C12orf42: variants seen among roughly 807,000 people sequenced by gnomAD.
C12orf42 encodes the protein uncharacterized protein C12orf42.
Under a neutral mutation model 21.6 loss-of-function variants are expected in C12orf42, and 25 were observed. The ratio of observed to expected loss-of-function variants is 1.16; its 90% CI spans 0.84 to 1.62. The LOEUF (loss-of-function observed/expected upper bound fraction) is 1.62, where lower values mean the gene tolerates loss of function less well. Among genes scored for constraint, C12orf42 ranks in the 40% most tolerant of loss-of-function variants. C12orf42 has a pLI of 0.00. For synonymous variants in C12orf42, 174 were observed against 175.0 expected (o/e 0.99, Z 0.05); for missense variants, 483 against 459.3 (o/e 1.05, Z -0.47).
the C12orf42 span, among the ~76,000 whole-genome samples, chr12:103,138,287 G>A: frequency 1.3e-5 from 2 of 152,182 alleles, no homozygotes; most frequent in Non-Finnish European, 2.9e-5. Flanking sequence ...AGACAGGGGA[G>A]GGGACTGGTG....
chr12:103,273,728 A>T (rs1486682768), intron 5 of C12orf42: 1 of 410,058 alleles, frequency 2.4e-6, no homozygotes, highest in East Asian at 7.2e-5. Flanking sequence ...AATTAGGGAA[A>T]AGAAGAAGGA....
chr12:103,239,417 T>C (rs559273385), intron 10 of C12orf42, among the ~76,000 whole-genome samples: 3 of 152,262 alleles, frequency 2.0e-5, no homozygotes, highest in East Asian at 3.9e-4. Flanking sequence ...CAGGATGTCT[T>C]TCCCTTTCTG....
chr12:103,164,637 T>C, the C12orf42 span: 1 of 436,034 alleles, frequency 2.3e-6, no homozygotes, highest in Admixed American at 2.5e-5. Context: ...ACTAATATTT[T>C]TAAGTTTGCA....
intron 2 of C12orf42, among the ~76,000 whole-genome samples, chr12:103,462,611 T>C (rs2137701844): frequency 6.6e-6 from 1 of 152,296 alleles, no homozygotes; most frequent in Non-Finnish European, 1.5e-5. Context: ...AAGTAAGCTT[T>C]TTAGGTAAAA....
the C12orf42 span, among the ~76,000 whole-genome samples, chr12:103,142,834 T>A: frequency 6.6e-6 from 1 of 152,194 alleles, no homozygotes; most frequent in Non-Finnish European, 1.5e-5. Flanking sequence ...TAACTAACAG[T>A]AAAAATATAA....
At chr12:103,455,832 A>G (rs1952252058) in intron 2 of C12orf42, among the ~76,000 whole-genome samples, 1 of 152,116 alleles carries the variant, frequency 6.6e-6, no homozygotes, top group Non-Finnish European at 1.5e-5. Context: ...CACTTATACA[A>G]TATTCCTTTT....
At chr12:103,111,542 T>C in the C12orf42 span, among the ~76,000 whole-genome samples, 6 of 152,222 alleles carry the variant, frequency 3.9e-5, no homozygotes, top group Admixed American at 2.0e-4. Flanking sequence ...AAACGTGGTC[T>C]CTTAAGGAAA....
chr12:103,549,985 T>C, the C12orf42 span, among the ~76,000 whole-genome samples: 2 of 152,168 alleles, frequency 1.3e-5, no homozygotes, highest in Admixed American at 1.3e-4. Context: ...TCAAAAATGG[T>C]AAAGTTCCCT....
chr12:103,223,442 T>C, the C12orf42 span, among the ~76,000 whole-genome samples: 1 of 152,118 alleles, frequency 6.6e-6, no homozygotes, highest in South Asian at 2.1e-4. Context: ...GTATAAAAGG[T>C]CCAAGAATTG....
At chr12:103,152,893 C>G in the C12orf42 span, among the ~76,000 whole-genome samples, 1 of 152,108 alleles carries the variant, frequency 6.6e-6, no homozygotes, top group East Asian at 1.9e-4. Flanking sequence ...TGAATTGGCT[C>G]AATATTGGAA....
At chr12:103,082,028 C>T in the C12orf42 span, among the ~76,000 whole-genome samples, 1 of 152,130 alleles carries the variant, frequency 6.6e-6, no homozygotes, top group African/African-American at 2.4e-5. Flanking sequence ...TAATTTTCTT[C>T]TTCCAGTGGA....
At chr12:103,232,751 A>G (rs77555343), downstream of C12orf42, among the ~76,000 whole-genome samples, 1,780 of 151,650 alleles carry the variant, frequency 0.012, 105 homozygotes, top group East Asian at 0.19. Flanking sequence ...TGTGTTTTAC[A>G]TTTATGTCTA....
downstream of C12orf42, among the ~76,000 whole-genome samples, chr12:103,300,280 T>C (rs1254070096): frequency 6.6e-6 from 1 of 152,182 alleles, no homozygotes; most frequent in Non-Finnish European, 1.5e-5. Flanking sequence ...ATTTTTTTTA[T>C]TATGGGATTT....
intron 1 of C12orf42, among the ~76,000 whole-genome samples, chr12:103,483,402 G>A (rs61939886): frequency 0.021 from 3,183 of 152,146 alleles, 61 homozygotes; most frequent in Non-Finnish European, 0.031. Context: ...GAAAATTCTC[G>A]AAGGCCTGTG....
At chr12:103,339,952 T>C (rs569669632) in intron 4 of C12orf42, among the ~76,000 whole-genome samples, 1 of 152,302 alleles carries the variant, frequency 6.6e-6, no homozygotes, top group East Asian at 1.9e-4. Flanking sequence ...TCTTAACAGC[T>C]GCTACAAAAA....
the C12orf42 span, among the ~76,000 whole-genome samples, chr12:103,528,805 A>G: frequency 1.3e-5 from 2 of 152,186 alleles, no homozygotes; most frequent in Non-Finnish European, 2.9e-5. Flanking sequence ...GAAGACACCA[A>G]CTTTGTGCCA....
At chr12:103,165,763 C>T in the C12orf42 span, among the ~76,000 whole-genome samples, 24 of 152,164 alleles carry the variant, frequency 1.6e-4, no homozygotes, top group African/African-American at 5.1e-4. Flanking sequence ...GAAACCAGGC[C>T]GGGCGCGGTG....
At chr12:103,203,663 T>C in the C12orf42 span, among the ~76,000 whole-genome samples, 3 of 152,264 alleles carry the variant, frequency 2.0e-5, no homozygotes, top group East Asian at 5.8e-4. Flanking sequence ...CAATGACAGA[T>C]TGGGTTTCCC....
chr12:103,075,544 A>T, the C12orf42 span, among the ~76,000 whole-genome samples: 2 of 152,354 alleles, frequency 1.3e-5, no homozygotes, highest in South Asian at 2.1e-4. Flanking sequence ...ACCATAGATC[A>T]TATTTCAATT....
Sources: gnomAD v4.1 joint callset for allele counts (sites outside exome capture counted in the v4.1 genomes callset) on GRCh38, gnomAD v4.1.1 for gene constraint, MANE v1.5 for transcripts, NCBI Gene and HGNC (gene_info 2026-07-23, HGNC 2026-07-21) for gene names.